The following COPS4 variants were observed in gnomAD, a reference collection of about 807,000 sequenced individuals.
COPS4 encodes COP9 signalosome complex subunit 4.
Under a neutral mutation model 55.1 loss-of-function variants are expected in COPS4, and 8 were observed. The observed-to-expected ratio is 0.15, with a 90% CI of 0.09 to 0.26. COPS4 has a LOEUF of 0.26. COPS4 is among the 10% of genes least tolerant of loss of function. COPS4 has a pLI of 1.00. For synonymous variants in COPS4, 185 were observed against 165.7 expected (o/e 1.12, Z -0.90); for missense variants, 248 against 484.0 (o/e 0.51, Z 4.58).
chr4:83,057,005 G>T lies in COPS4; in HGVS notation c.490G>T (p.Ala164Ser). The T allele has an allele frequency of 6.2e-7, 1 of 1,613,766 alleles. No homozygotes were observed. The highest frequency in any genetic ancestry group is 8.5e-7 in the Non-Finnish European group (1 of 1,179,696). The change falls in exon 5 of 10, where the codon GCA becomes TCA. Residue 164 changes from alanine to serine, a missense_variant. Ala to Ser is a moderately conservative substitution (Grantham distance 99). Coordinates refer to ENST00000264389, the MANE Select transcript of COPS4 (RefSeq NM_016129.3). The stretch of plus-strand genomic sequence containing the variant: ...TCTGGAGGATGATGATCCAGTCCAG[G>T]CAGAGGCTTACATAAATCGAGCATC... ...LYLEDDDPVQ[A>S]EAYINRASLL... is the part of the protein sequence containing the mutation.
Position 83,075,583 on chromosome 4 carries a change from C to A in COPS4, c.*153C>A. ...GAAGACATTATTAGAGCAGGAAGTA[C>A]AAGCATTTAAAATATGTAGTTCCCA... On this transcript the variant is annotated 3_prime_UTR_variant, in exon 10 of 10. Transcript: ENST00000264389. The A allele has an allele frequency of 1.3e-6, 1 of 769,376 alleles. No individual in the cohort carries two copies. Among genetic ancestry groups the A allele is most frequent in the Non-Finnish European group, 2.0e-6 (1 of 512,580 alleles). The allele number at this position is 769,376 out of a possible 1,614,324, so 47.7% of individuals were successfully genotyped here. A position where few individuals can be genotyped will look rare whatever the true frequency, so the allele number is the denominator to read the frequency against.
rs1009107145 is a variant in COPS4 at position 83,039,194 on chromosome 4, A to G, written c.74+3896A>G. 3.9e-5 allele frequency among the ~76,000 whole-genome samples: 6 copies of G among 152,138 alleles called. No homozygotes were observed. The East Asian group carries it at 1.2e-3, about 29-fold the overall frequency. On this transcript the variant is annotated intron_variant, in intron 1 of 9. Transcript: ENST00000264389. ...TCCACATGGGCTCCCATGTGGGTCTATAGTTAGCTGCCAGCCAGGCCAGGT... is the reference window on the plus strand; with the variant it reads ...TCCACATGGGCTCCCATGTGGGTCTGTAGTTAGCTGCCAGCCAGGCCAGGT...
intron 1 of COPS4, among the ~76,000 whole-genome samples, chr4:83,038,609 A>G (rs1176444540): frequency 2.2e-5 from 3 of 137,690 alleles, no homozygotes; most frequent in African/African-American, 8.2e-5. Context: ...TAAAAATTAT[A>G]TTAGCACTTA....
At chr4:83,075,073 T>G (rs1251473093) in intron 9 of COPS4, among the ~76,000 whole-genome samples, 1 of 152,002 alleles carries the variant, frequency 6.6e-6, no homozygotes, top group Non-Finnish European at 1.5e-5. Context: ...GCCGAGATCC[T>G]GCCACTGCAG....
At chr4:83,063,608 C>T (rs900887444) in intron 7 of COPS4, among the ~76,000 whole-genome samples, 9 of 151,200 alleles carry the variant, frequency 6.0e-5, no homozygotes, top group Non-Finnish European at 1.0e-4. Context: ...GGGGTTTCAC[C>T]GTGTTAGCCA....
intron 7 of COPS4, among the ~76,000 whole-genome samples, chr4:83,064,397 G>T (rs1731245857): frequency 6.6e-6 from 1 of 152,144 alleles, no homozygotes; most frequent in African/African-American, 2.4e-5. Context: ...TTTTGGGTGT[G>T]CAGTTCTGTG....
chr4:83,070,758 T>C (rs1386333381), intron 9 of COPS4, among the ~76,000 whole-genome samples: 1 of 152,238 alleles, frequency 6.6e-6, no homozygotes, highest in African/African-American at 2.4e-5. Flanking sequence ...GGAGTGATTA[T>C]TTTCTTTTAA....
rs568790271 is a variant in COPS4 at position 83,045,506 on chromosome 4, C to T, written c.75-120C>T. The T allele has an allele frequency of 1.5e-5, 10 of 660,468 alleles. No individual in the cohort carries two copies. In the South Asian group the frequency reaches 1.8e-4, roughly 12 times the overall value. 40.9% of individuals were successfully genotyped at this position (660,468 alleles called of 1,614,324 possible). The stretch of plus-strand genomic sequence containing the variant: ...AATCTGTGGTATACTATAAAGAAAA[C>T]CACAAACTATAGTACTATGAAAGAA... On this transcript the variant is annotated intron_variant, in intron 1 of 9. Transcript: ENST00000264389.
At chr4:83,058,252 C>G (rs947155896) in intron 6 of COPS4, among the ~76,000 whole-genome samples, 2 of 152,162 alleles carry the variant, frequency 1.3e-5, no homozygotes, top group Non-Finnish European at 2.9e-5. Context: ...TTAAATTGCT[C>G]TATCACCCAG....
intron 1 of COPS4, among the ~76,000 whole-genome samples, chr4:83,038,943 A>G (rs1392359381): frequency 6.6e-6 from 1 of 152,142 alleles, no homozygotes; most frequent in Non-Finnish European, 1.5e-5. Flanking sequence ...GCGCCTGGCC[A>G]GCACTTACCT....
intron 4 of COPS4, among the ~76,000 whole-genome samples, chr4:83,055,927 T>G (rs1179060163): frequency 7.6e-5 from 7 of 92,456 alleles, no homozygotes; most frequent in African/African-American, 3.0e-4. Flanking sequence ...CTTTTTTTTC[T>G]TTTTCTTTTT....
At chr4:83,074,587 C>T (rs1174729259) in intron 9 of COPS4, among the ~76,000 whole-genome samples, 31 of 150,478 alleles carry the variant, frequency 2.1e-4, no homozygotes, top group Admixed American at 2.0e-3. Flanking sequence ...CTCAGCCTCC[C>T]GAGTAGCTGG....
At chr4:83,073,160 G>A in intron 9 of COPS4, 1 of 548,772 alleles carries the variant, frequency 1.8e-6, no homozygotes, top group East Asian at 2.9e-5. Context: ...TCCAAAGGAA[G>A]CCCTTGCCCT....
intron 7 of COPS4, among the ~76,000 whole-genome samples, 163 bp downstream of exon 7, chr4:83,063,409 A>AT (rs5859856): frequency 0.44 from 66,564 of 150,564 alleles, 17,273 homozygotes; most frequent in Admixed American, 0.59. Context: ...AATTTATAAA[A>AT]TTTTTTTTGA....
At position 83,057,512 on chromosome 4, in the gene COPS4, A is replaced by T. The variant is rs540012192; in HGVS notation, c.715+104A>T. The T allele has an allele frequency of 8.1e-5, 66 of 815,732 alleles. No individual in the cohort carries two copies. The African/African-American group carries it at 9.7e-4, about 12-fold the overall frequency. The allele number at this position is 815,732 out of a possible 1,614,324, so 50.5% of individuals were successfully genotyped here. A position where few individuals can be genotyped will look rare whatever the true frequency, so the allele number is the denominator to read the frequency against. ...TAGCAAGGAACTATTCTTCAAAAGG[A>T]TGTCTTCATAATACAGTTATGGTAA... On this transcript the variant is annotated intron_variant, in intron 6 of 9. Coordinates refer to ENST00000264389, the MANE Select transcript of COPS4 (RefSeq NM_016129.3).
At chr4:83,052,290 T>C (rs1217040219) in intron 4 of COPS4, among the ~76,000 whole-genome samples, 1 of 152,070 alleles carries the variant, frequency 6.6e-6, no homozygotes, top group Non-Finnish European at 1.5e-5. Flanking sequence ...ATAGGGGAAT[T>C]GGGGAGAGGA....
rs779357087 is a variant in COPS4 at position 83,057,326 on chromosome 4, C to T, written c.633C>T (p.Leu211=). The T allele has an allele frequency of 3.3e-5, 54 of 1,613,526 alleles. No homozygotes were observed. The highest frequency in any genetic ancestry group is 4.3e-5 in the Non-Finnish European group (51 of 1,179,684). Residue 211 remains leucine, a synonymous_variant, in exon 6 of 10, where the codon CTC becomes CTT. Coordinates refer to ENST00000264389, the MANE Select transcript of COPS4 (RefSeq NM_016129.3). ...AAGCTGCACAAAGGTACAATGAGCT[C>T]TCTTACAAGACAATAGTCCACGAAA... ...FIEAAQRYNE[L]SYKTIVHESE...
intron 1 of COPS4, among the ~76,000 whole-genome samples, chr4:83,038,018 A>G (rs538358732): frequency 6.6e-6 from 1 of 152,376 alleles, no homozygotes; most frequent in African/African-American, 2.4e-5. Context: ...AGCCAGAGGA[A>G]AAGCATTTCC....
rs111735566 is a variant in COPS4, at chr4:83,057,427, A to C, written c.715+19A>C. 9,285 of 1,535,078 alleles carry C rather than the reference A, an allele frequency of 6.0e-3. 93 individuals are homozygous for C. The highest frequency in any genetic ancestry group is 0.012 in the Middle Eastern group (71 of 5,728). On this transcript the variant is annotated intron_variant, in intron 6 of 9. Transcript: ENST00000264389. Reference sequence around the variant, plus strand: ...TCAGCAGGTAAACACGTAATAATTTATACTTAAATGAACAGTTATCTTTGC... The same window carrying C: ...TCAGCAGGTAAACACGTAATAATTTCTACTTAAATGAACAGTTATCTTTGC...
Sources: gnomAD v4.1 joint callset for allele counts (sites outside exome capture counted in the v4.1 genomes callset) on GRCh38, gnomAD v4.1.1 for gene constraint, MANE v1.5 for transcripts, NCBI Gene and HGNC (gene_info 2026-07-23, HGNC 2026-07-21) for gene names.